The following MGAT4A variants were observed in gnomAD, a reference collection of about 807,000 sequenced individuals.
The protein encoded by MGAT4A is N-acetylglucosaminyltransferase IVa.
Under a neutral mutation model 74.1 loss-of-function variants are expected in MGAT4A, and 33 were observed. The ratio of observed to expected loss-of-function variants is 0.45; its 90% CI spans 0.34 to 0.60. MGAT4A has a LOEUF of 0.60. MGAT4A is among the 20% of genes least tolerant of loss of function. The pLI, the probability that MGAT4A is intolerant of heterozygous loss-of-function variation, is 0.02. For synonymous variants in MGAT4A, 198 were observed against 210.4 expected (o/e 0.94, Z 0.51); for missense variants, 479 against 628.3 (o/e 0.76, Z 2.54).
chr2:98,697,771 G>C (rs1382004229), intron 2 of MGAT4A, among the ~76,000 whole-genome samples: 2 of 152,290 alleles, frequency 1.3e-5, no homozygotes, highest in East Asian at 3.9e-4. Context: ...TCATTCAACT[G>C]AAAGGACTTC....
At chr2:98,718,547 C>T (rs896541043) in intron 2 of MGAT4A, among the ~76,000 whole-genome samples, 1 of 152,188 alleles carries the variant, frequency 6.6e-6, no homozygotes, top group African/African-American at 2.4e-5. Flanking sequence ...TTCTCCCCAA[C>T]CAGTGAGGTA....
At chr2:98,666,263 G>A (rs552063623) in intron 4 of MGAT4A, among the ~76,000 whole-genome samples, 13 of 152,134 alleles carry the variant, frequency 8.5e-5, no homozygotes, top group East Asian at 5.8e-4. Context: ...GTAACTGGAC[G>A]GGGGCAACTT....
chr2:98,619,381 A>G lies in MGAT4A; in HGVS notation c.*6185T>C, dbSNP rs1701011364. On this transcript the variant is annotated 3_prime_UTR_variant, in exon 16 of 16. Coordinates refer to ENST00000393487, the MANE Select transcript of MGAT4A (RefSeq NM_012214.3). ...GAAAATATATACAATACATTTAAGA[A>G]AAAAAAAAATCTGGTACAACCTGGC... 1 of 147,672 alleles carries G rather than the reference A, an allele frequency of 6.8e-6. No homozygotes were observed. The highest frequency in any genetic ancestry group is 6.7e-5 in the Admixed American group (1 of 14,992). The allele number at this position is 147,672 out of a possible 1,614,324, so 9.1% of individuals were successfully genotyped here. A position where few individuals can be genotyped will look rare whatever the true frequency, so the allele number is the denominator to read the frequency against.
rs1701062903 is a variant in MGAT4A at position 98,621,658 on chromosome 2, C to G, written c.*3908G>C. On this transcript the variant is annotated 3_prime_UTR_variant, in exon 16 of 16. Transcript: ENST00000393487. ...CATTGGTGGGGGTGTCAGTAGGGGTCATTCTTAGAAATTTGCCTACCACAA... is the reference window on the plus strand; with the variant it reads ...CATTGGTGGGGGTGTCAGTAGGGGTGATTCTTAGAAATTTGCCTACCACAA... 2 of 1,433,172 alleles carry G rather than the reference C, an allele frequency of 1.4e-6. No individual in the cohort carries two copies. Among genetic ancestry groups the G allele is most frequent in the Admixed American group, 5.7e-5 (2 of 35,322 alleles). The allele number at this position is 1,433,172 out of a possible 1,614,324, so 88.8% of individuals were successfully genotyped here. A position where few individuals can be genotyped will look rare whatever the true frequency, so the allele number is the denominator to read the frequency against.
At position 98,625,367 on chromosome 2, in the gene MGAT4A, G is replaced by A; in HGVS notation, c.*199C>T. The A allele has an allele frequency of 7.2e-7, 1 of 1,379,622 alleles. No individual in the cohort carries two copies. The highest frequency in any genetic ancestry group is 2.7e-5 in the East Asian group (1 of 36,486). The allele number at this position is 1,379,622 out of a possible 1,614,324, so 85.5% of individuals were successfully genotyped here. A position where few individuals can be genotyped will look rare whatever the true frequency, so the allele number is the denominator to read the frequency against. ...CATAATTGAAAAATGTTTGAGTCAA[G>A]TTAAAATCTGAGGACAGCTTAGTTT... is the stretch of plus-strand genomic sequence containing the variant. On this transcript the variant is annotated 3_prime_UTR_variant, in exon 16 of 16. Transcript: ENST00000393487.
At chr2:98,660,002 G>A (rs12613577) in intron 5 of MGAT4A, among the ~76,000 whole-genome samples, 83,832 of 150,822 alleles carry the variant, frequency 0.56, 26,015 homozygotes, top group African/African-American at 0.84. Context: ...CCTGGAAATT[G>A]CAAAACCATC....
chr2:98,623,555 A>T lies in MGAT4A; in HGVS notation c.*2011T>A, dbSNP rs894308381. On this transcript the variant is annotated 3_prime_UTR_variant, in exon 16 of 16. Coordinates refer to ENST00000393487, the MANE Select transcript of MGAT4A (RefSeq NM_012214.3). ...TTTTGAATGAAATTTGCTCATGGGCACTGGGCCAAGGAAATTTGAGAAGAA... is the reference window on the plus strand; with the variant it reads ...TTTTGAATGAAATTTGCTCATGGGCTCTGGGCCAAGGAAATTTGAGAAGAA... The T allele has an allele frequency of 1.0e-6, 1 of 985,354 alleles. No individual in the cohort carries two copies. The highest frequency in any genetic ancestry group is 1.2e-6 in the Non-Finnish European group (1 of 829,952). The allele number at this position is 985,354 out of a possible 1,614,324, so 61.0% of individuals were successfully genotyped here. A position where few individuals can be genotyped will look rare whatever the true frequency, so the allele number is the denominator to read the frequency against.
chr2:98,653,742 C>T (rs1447091646), intron 8 of MGAT4A, among the ~76,000 whole-genome samples: 2 of 152,156 alleles, frequency 1.3e-5, no homozygotes, highest in African/African-American at 4.8e-5. Context: ...CTGCTGAACA[C>T]TTAAAGAATT....
chr2:98,663,388 A>G (rs527873510), intron 4 of MGAT4A: 2 of 1,520,354 alleles, frequency 1.3e-6, no homozygotes, highest in East Asian at 2.5e-5. Context: ...TAAGAAAAAA[A>G]GAACTGATAA....
intron 12 of MGAT4A, 82 bp downstream of exon 12, chr2:98,639,726 C>A: frequency 7.7e-7 from 1 of 1,305,466 alleles, no homozygotes; most frequent in East Asian, 2.4e-5. Context: ...CTGTCAGGCA[C>A]ACACACAAAA....
At chr2:98,651,397 C>T (rs1429373757) in intron 8 of MGAT4A, among the ~76,000 whole-genome samples, 1 of 151,970 alleles carries the variant, frequency 6.6e-6, no homozygotes, top group African/African-American at 2.4e-5. Context: ...AATGTATATG[C>T]AATATAAAAA....
At chr2:98,664,498 C>T (rs1701797419) in intron 4 of MGAT4A, among the ~76,000 whole-genome samples, 1 of 152,144 alleles carries the variant, frequency 6.6e-6, no homozygotes, top group African/African-American at 2.4e-5. Context: ...ATACAAAATG[C>T]ACGCACCTCA....
At chr2:98,725,212 G>A (rs768846150) in intron 2 of MGAT4A, among the ~76,000 whole-genome samples, 3 of 152,050 alleles carry the variant, frequency 2.0e-5, no homozygotes, top group Admixed American at 6.5e-5. Context: ...TCCCCCAAGA[G>A]TTCCCCCAAA....
rs761980888 is a variant in MGAT4A at position 98,644,004 on chromosome 2, G to T, written c.939C>A (p.Phe313Leu). The change falls in exon 10 of 16, where the codon TTC becomes TTA. Residue 313 changes from phenylalanine (F) to leucine (L), a missense_variant. Physicochemically the swap from Phe to Leu is conservative, Grantham distance 22. Around this residue, in one of 3 missense-constraint regions of MGAT4A, gnomAD observed 236 missense variants for 308.2 expected, o/e 0.77. Transcript: ENST00000393487. ...PDLTLIVEFI[F>L]MFYKEKPIDW... The stretch of plus-strand genomic sequence containing the variant: ...CAATGGGTTTCTCCTTGTAAAACAT[G>T]AATATGAATTCTACAATCAGAGTAA... 1 of 1,605,434 alleles carries T rather than the reference G, an allele frequency of 6.2e-7. No homozygotes were observed. The highest frequency in any genetic ancestry group is 1.1e-5 in the South Asian group (1 of 90,300).
At chr2:98,702,348 G>T (rs1291184815) in intron 2 of MGAT4A, among the ~76,000 whole-genome samples, 1 of 152,236 alleles carries the variant, frequency 6.6e-6, no homozygotes, top group Non-Finnish European at 1.5e-5. Flanking sequence ...CCAGAGGCCT[G>T]CTGCCATGAG....
At chr2:98,668,458 C>G (rs1298684380) in intron 4 of MGAT4A, among the ~76,000 whole-genome samples, 1 of 152,202 alleles carries the variant, frequency 6.6e-6, no homozygotes, top group Non-Finnish European at 1.5e-5. Flanking sequence ...GGAACCTCCA[C>G]CTAGATTTCA....
chr2:98,622,452 C>T lies in MGAT4A; in HGVS notation c.*3114G>A, dbSNP rs1701075405. 2.0e-6 allele frequency: 2 copies of T among 985,382 alleles called. No homozygotes were observed. Among genetic ancestry groups the T allele is most frequent in the South Asian group, 9.4e-5 (2 of 21,288 alleles). 61.0% of individuals were successfully genotyped at this position (985,382 alleles called of 1,614,324 possible). A position where few individuals can be genotyped will look rare whatever the true frequency, so the allele number is the denominator to read the frequency against. On this transcript the variant is annotated 3_prime_UTR_variant, in exon 16 of 16. Transcript: ENST00000393487. Reference sequence around the variant, plus strand: ...GCTATATGTGTTTTTAAAACTAGTCCCAACCTTTGACACTTTTTCCATTTA... The same window carrying T: ...GCTATATGTGTTTTTAAAACTAGTCTCAACCTTTGACACTTTTTCCATTTA...
chr2:98,643,936 G>T lies in MGAT4A; in HGVS notation c.1007C>A (p.Pro336His). ...DHILWVKVCNPEKDAKHCDRQ... is the reference protein window; with the variant it reads ...DHILWVKVCNHEKDAKHCDRQ... ...GAATTAACTTACTGCATCTTTTTCA[G>T]GGTTGCAGACTTTCACCCAGAGAAT... Residue 336 changes from proline (P) to histidine (H), a missense_variant, in exon 10 of 16, where the codon CCT (proline) becomes CAT (histidine). Pro to His is a moderately conservative substitution (Grantham distance 77). Coordinates refer to ENST00000393487, the MANE Select transcript of MGAT4A (RefSeq NM_012214.3). 6.4e-7 allele frequency: 1 copy of T among 1,556,900 alleles called. No individual in the cohort carries two copies. Among genetic ancestry groups the T allele is most frequent in the South Asian group, 1.2e-5 (1 of 82,288 alleles).
intron 3 of MGAT4A, among the ~76,000 whole-genome samples, chr2:98,676,873 T>A (rs948124080): frequency 3.9e-5 from 6 of 152,154 alleles, no homozygotes; most frequent in African/African-American, 1.4e-4. Context: ...TCACTTGGCA[T>A]CAGGTTTATC....
Sources: allele counts gnomAD v4.1 joint callset (sites outside exome capture counted in the v4.1 genomes callset), GRCh38; gene constraint gnomAD v4.1.1; regional missense constraint gnomAD v4.1.1; transcripts MANE v1.5; gene names NCBI Gene and HGNC (gene_info 2026-07-23, HGNC 2026-07-21).